Variants in KCNG3 observed in about 807,000 individuals in gnomAD.
The protein encoded by KCNG3 is potassium voltage-gated channel modifier subfamily G member 3, also known as voltage-gated potassium channel regulatory subunit KCNG3.
A neutral mutation model predicts 29.0 loss-of-function variants in KCNG3; 15 were observed. The ratio of observed to expected loss-of-function variants is 0.52; its 90% CI spans 0.35 to 0.80. KCNG3 has a LOEUF of 0.80. Among genes scored for constraint, KCNG3 ranks in the 30% least tolerant of loss-of-function variants. The pLI is 0.01. For missense variants in KCNG3, 512 were observed against 605.7 expected (o/e 0.85, Z 1.62); for synonymous variants, 322 against 248.9 (o/e 1.29, Z -2.76).
intron 1 of KCNG3, among the ~76,000 whole-genome samples, chr2:42,455,573 G>A (rs1364782791): frequency 1.3e-5 from 2 of 152,122 alleles, no homozygotes; most frequent in African/African-American, 4.8e-5. Flanking sequence ...AATACAGAGA[G>A]ATCTCACAAT....
intron 1 of KCNG3, among the ~76,000 whole-genome samples, chr2:42,453,163 G>A (rs540798717): frequency 5.1e-4 from 77 of 152,290 alleles, no homozygotes; most frequent in Non-Finnish European, 9.3e-4. Context: ...GGGAGTGAGT[G>A]CACGTATCTT....
chr2:42,443,270 T>A lies in KCNG3; in HGVS notation c.*664A>T, dbSNP rs1340174921. The A allele has an allele frequency of 2.0e-5, 3 of 152,386 alleles. No homozygotes were observed. The highest frequency in any genetic ancestry group is 7.2e-5 in the African/African-American group (3 of 41,422). 9.4% of individuals were successfully genotyped at this position (152,386 alleles called of 1,614,324 possible). On this transcript the variant is annotated 3_prime_UTR_variant, in exon 2 of 2. Coordinates refer to ENST00000306078, the MANE Select transcript of KCNG3 (RefSeq NM_133329.6). ...CTTTTGAGTCATTACAGTAAAGAGA[T>A]AAATCCAAAATGGAAAAGGGAGAAC...
chr2:42,393,469 G>A, the KCNG3 span, among the ~76,000 whole-genome samples: 1 of 151,974 alleles, frequency 6.6e-6, no homozygotes, highest in Admixed American at 6.6e-5. Context: ...GCTGAGGCAG[G>A]AGAACTGATT....
At chr2:42,405,759 C>G in the KCNG3 span, among the ~76,000 whole-genome samples, 74 of 152,322 alleles carry the variant, frequency 4.9e-4, no homozygotes, top group East Asian at 0.013. Context: ...AGGCACCCGT[C>G]ACCAAGCCCG....
the KCNG3 span, among the ~76,000 whole-genome samples, chr2:42,428,321 A>C: frequency 2.6e-5 from 4 of 151,682 alleles, no homozygotes; most frequent in African/African-American, 9.7e-5. Context: ...TTAGCCAGAC[A>C]ATAGTGGTGC....
intron 1 of KCNG3, among the ~76,000 whole-genome samples, chr2:42,475,989 C>T (rs553915502): frequency 1.8e-3 from 269 of 152,258 alleles, no homozygotes; most frequent in Non-Finnish European, 2.9e-3. Flanking sequence ...TCACTTGAAC[C>T]CGGGAGACAG....
At chr2:42,406,962 T>C in the KCNG3 span, among the ~76,000 whole-genome samples, 3 of 152,134 alleles carry the variant, frequency 2.0e-5, no homozygotes, top group East Asian at 1.9e-4. Flanking sequence ...TTCTTTAATA[T>C]TTGTAGCCAA....
intron 1 of KCNG3, among the ~76,000 whole-genome samples, chr2:42,461,681 T>A (rs556651601): frequency 6.6e-6 from 1 of 152,180 alleles, no homozygotes; most frequent in African/African-American, 2.4e-5. Flanking sequence ...ACCACCCCAA[T>A]GTACATATAT....
At chr2:42,437,750 C>A (rs1672399328), downstream of KCNG3, among the ~76,000 whole-genome samples, 2 of 151,966 alleles carry the variant, frequency 1.3e-5, no homozygotes, top group South Asian at 4.2e-4. Flanking sequence ...CCAGCCCGGC[C>A]AACATGGCAA....
chr2:42,416,342 G>C, the KCNG3 span, among the ~76,000 whole-genome samples: 6 of 152,172 alleles, frequency 3.9e-5, no homozygotes, highest in Non-Finnish European at 8.8e-5. Flanking sequence ...ACTAGGTACA[G>C]TGGTGCATGC....
chr2:42,452,243 A>ATATATATATATATATATATATAT, intron 1 of KCNG3, among the ~76,000 whole-genome samples: 25 of 95,050 alleles, frequency 2.6e-4, no homozygotes, highest in African/African-American at 6.7e-4. Flanking sequence ...ATATATATAT[A>ATATATATATATATATATATATAT]TTTTTTTTTT....
chr2:42,410,884 G>C, the KCNG3 span, among the ~76,000 whole-genome samples: 5 of 152,248 alleles, frequency 3.3e-5, no homozygotes, highest in African/African-American at 1.2e-4. Context: ...CAGTTAAGAA[G>C]GAATTCTCCT....
chr2:42,407,321 G>A, the KCNG3 span, among the ~76,000 whole-genome samples: 10 of 152,028 alleles, frequency 6.6e-5, no homozygotes, highest in African/African-American at 1.9e-4. Context: ...AACTACAGGC[G>A]TGCGCCACCA....
chr2:42,441,929 T>C (rs1235614858), downstream of KCNG3: 1 of 152,050 alleles, frequency 6.6e-6, no homozygotes, highest in East Asian at 1.9e-4. Flanking sequence ...GGTGTATGCA[T>C]GAGAGAGGAT....
At chr2:42,391,858 T>C in the KCNG3 span, among the ~76,000 whole-genome samples, 2 of 151,950 alleles carry the variant, frequency 1.3e-5, no homozygotes, top group South Asian at 4.2e-4. Context: ...CGCCTCGGCC[T>C]CCCAAAGTGC....
chr2:42,487,595 G>T (rs1477744641), intron 1 of KCNG3, among the ~76,000 whole-genome samples: 1 of 152,032 alleles, frequency 6.6e-6, no homozygotes, highest in Admixed American at 6.6e-5. Flanking sequence ...TCACTTTTCA[G>T]CATAGTAAAG....
the KCNG3 span, among the ~76,000 whole-genome samples, chr2:42,412,230 T>C: frequency 1.3e-5 from 2 of 152,250 alleles, no homozygotes; most frequent in Non-Finnish European, 2.9e-5. Flanking sequence ...TTTATGTATC[T>C]TCTAAAATTT....
chr2:42,452,243 A>ATATATATATATATATATATAT, intron 1 of KCNG3, among the ~76,000 whole-genome samples: 19 of 95,042 alleles, frequency 2.0e-4, no homozygotes, highest in East Asian at 1.8e-3. Context: ...ATATATATAT[A>ATATATATATATATATATATAT]TTTTTTTTTT....
At chr2:42,479,872 C>T (rs567275083) in intron 1 of KCNG3, among the ~76,000 whole-genome samples, 2 of 152,114 alleles carry the variant, frequency 1.3e-5, no homozygotes, top group African/African-American at 4.8e-5. Flanking sequence ...ATTAGCCAGG[C>T]GTGTTGGTAC....
Sources: gnomAD v4.1 joint callset for allele counts (sites outside exome capture counted in the v4.1 genomes callset) on GRCh38, gnomAD v4.1.1 for gene constraint, MANE v1.5 for transcripts, NCBI Gene and HGNC (gene_info 2026-07-23, HGNC 2026-07-21) for gene names.